The following ADCY5 variants were observed in gnomAD, a reference collection of about 807,000 sequenced individuals.
ADCY5 encodes adenylate cyclase type 5.
In ADCY5, 30 loss-of-function variants were observed where a neutral mutation model predicts 119.7. The ratio of observed to expected loss-of-function variants is 0.25; its 90% CI spans 0.19 to 0.34. The LOEUF (loss-of-function observed/expected upper bound fraction) is 0.34. Among genes scored for constraint, ADCY5 ranks in the 10% least tolerant of loss-of-function variants. The pLI is 1.00. For synonymous variants in ADCY5, 753 were observed against 762.2 expected, an observed-to-expected ratio of 0.99 and a Z score of 0.20; for missense variants, 1,324 against 1,775.2, an observed-to-expected ratio of 0.75 and a Z score of 4.57.
chr3:123,395,492 C>A (rs879917686), intron 1 of ADCY5, among the ~76,000 whole-genome samples: 1 of 152,172 alleles, frequency 6.6e-6, no homozygotes, highest in Non-Finnish European at 1.5e-5. Flanking sequence ...CTGTAAGCTA[C>A]GTGCAGACAG....
At chr3:123,343,011 T>A (rs149706678) in intron 3 of ADCY5, among the ~76,000 whole-genome samples, 245 of 152,356 alleles carry the variant, frequency 1.6e-3, no homozygotes, top group African/African-American at 5.6e-3. Flanking sequence ...GCTAGCTAGC[T>A]GGGCACCCTC....
chr3:123,332,282 C>G (rs1044839300), intron 4 of ADCY5, among the ~76,000 whole-genome samples: 1 of 152,168 alleles, frequency 6.6e-6, no homozygotes, highest in African/African-American at 2.4e-5. Flanking sequence ...CCTCACCACC[C>G]GCTTCCAAGG....
chr3:123,413,863 G>C (rs978863736), intron 1 of ADCY5, among the ~76,000 whole-genome samples: 7 of 152,114 alleles, frequency 4.6e-5, no homozygotes, highest in Admixed American at 2.0e-4. Context: ...ACAAAGGGGT[G>C]GGGGGGCTGC....
At chr3:123,304,243 G>A in intron 12 of ADCY5, 60 bp from the exon 13 acceptor site, 1 of 1,149,972 alleles carries the variant, frequency 8.7e-7, no homozygotes, top group Non-Finnish European at 1.3e-6. Flanking sequence ...ATTCAGCAAG[G>A]ACTCCACAAA....
chr3:123,311,279 A>G (rs979081392), intron 12 of ADCY5, among the ~76,000 whole-genome samples: 1 of 152,244 alleles, frequency 6.6e-6, no homozygotes, highest in Non-Finnish European at 1.5e-5. Context: ...GACCCTAAAC[A>G]CTGCAGGCTA....
At chr3:123,299,496 G>A (rs946405533) in intron 15 of ADCY5, among the ~76,000 whole-genome samples, 2 of 152,144 alleles carry the variant, frequency 1.3e-5, no homozygotes, top group Non-Finnish European at 2.9e-5. Context: ...TCCCCTCATG[G>A]AGCCACCTCC....
chr3:123,358,667 CA>C (rs1344936360), intron 1 of ADCY5, among the ~76,000 whole-genome samples: 2 of 152,140 alleles, frequency 1.3e-5, no homozygotes, highest in Non-Finnish European at 2.9e-5. Flanking sequence ...GGACAAGGTC[CA>C]GGGGGTCCCA....
chr3:123,435,872 ATTATTATT>A (rs1207483284), intron 1 of ADCY5, among the ~76,000 whole-genome samples: 1 of 143,740 alleles, frequency 7.0e-6, no homozygotes, highest in East Asian at 2.0e-4. Flanking sequence ...TATTATTATT[ATTATTATT>A]ATTATTATTA....
intron 1 of ADCY5, among the ~76,000 whole-genome samples, chr3:123,392,627 C>G (rs1944428919): frequency 6.6e-6 from 1 of 152,150 alleles, no homozygotes. Flanking sequence ...TCCAGGCCCT[C>G]GGTCCCCAGG....
intron 16 of ADCY5, 179 bp downstream of exon 16, chr3:123,297,174 C>T (rs1363144367): frequency 1.5e-6 from 2 of 1,343,662 alleles, no homozygotes; most frequent in Middle Eastern, 1.9e-4. Context: ...GTGACCAGGG[C>T]CTCTGCCCCC....
At chr3:123,300,022 C>T (rs1373952565) in intron 15 of ADCY5, 98 bp downstream of exon 15, 7 of 1,339,192 alleles carry the variant, frequency 5.2e-6, no homozygotes, top group African/African-American at 4.3e-5. Flanking sequence ...ACTCTCCTCG[C>T]AAGTTCCCTG....
At chr3:123,411,235 G>A (rs890458515) in intron 1 of ADCY5, among the ~76,000 whole-genome samples, 8 of 152,168 alleles carry the variant, frequency 5.3e-5, no homozygotes, top group Admixed American at 2.0e-4. Context: ...TGCCTGCTTC[G>A]AGGAGAGCCT....
At chr3:123,407,820 GT>G (rs1305290115) in intron 1 of ADCY5, among the ~76,000 whole-genome samples, 2 of 119,276 alleles carry the variant, frequency 1.7e-5, no homozygotes, top group East Asian at 5.7e-4. Context: ...GATACATATT[GT>G]TATGATTCCA....
intron 3 of ADCY5, 128 bp from the exon 4 acceptor site, chr3:123,332,803 G>T: frequency 1.6e-6 from 1 of 641,400 alleles, no homozygotes; most frequent in Non-Finnish European, 2.8e-6. Context: ...TGCCCAGGCT[G>T]GAGTGCAGTG....
At chr3:123,402,947 A>C (rs1278338835) in intron 1 of ADCY5, among the ~76,000 whole-genome samples, 1 of 152,006 alleles carries the variant, frequency 6.6e-6, no homozygotes, top group African/African-American at 2.4e-5. Context: ...ATATAATTAG[A>C]GATTGGTGAT....
At chr3:123,416,646 C>T (rs1327758265) in intron 1 of ADCY5, among the ~76,000 whole-genome samples, 3 of 152,122 alleles carry the variant, frequency 2.0e-5, no homozygotes, top group Non-Finnish European at 2.9e-5. Context: ...GAATTATGGC[C>T]CCCAAAATTC....
At chr3:123,371,866 C>G (rs1943653802) in intron 1 of ADCY5, among the ~76,000 whole-genome samples, 1 of 152,220 alleles carries the variant, frequency 6.6e-6, no homozygotes, top group African/African-American at 2.4e-5. Context: ...ATAGCTGGGC[C>G]CTGGGCTGCT....
At chr3:123,437,858 G>A (rs968986336) in intron 1 of ADCY5, among the ~76,000 whole-genome samples, 2 of 152,148 alleles carry the variant, frequency 1.3e-5, no homozygotes, top group Non-Finnish European at 1.5e-5. Flanking sequence ...AACCTCTTCC[G>A]ATGTCTAACA....
intron 1 of ADCY5, among the ~76,000 whole-genome samples, chr3:123,360,108 T>C (rs144886327): frequency 3.2e-3 from 494 of 152,112 alleles, no homozygotes; most frequent in African/African-American, 0.011. Context: ...TTTCTAATCA[T>C]AATGAGTGAC....
Sources: gnomAD v4.1 joint callset for allele counts (sites outside exome capture counted in the v4.1 genomes callset) on GRCh38, gnomAD v4.1.1 for gene constraint, MANE v1.5 for transcripts, NCBI Gene and HGNC (gene_info 2026-07-23, HGNC 2026-07-21) for gene names.